SIPA1L3: variants seen among roughly 807,000 people sequenced by gnomAD.
The protein encoded by SIPA1L3 is signal induced proliferation associated 1 like 3.
Under a neutral mutation model 150.1 loss-of-function variants are expected in SIPA1L3, and 59 were observed. That is an observed-to-expected ratio of 0.39 (90% CI 0.32 to 0.49). SIPA1L3 has a LOEUF of 0.49. Among genes scored for constraint, SIPA1L3 ranks in the 20% least tolerant of loss-of-function variants. The pLI is 0.86. For synonymous variants in SIPA1L3, 1,070 were observed against 1,077.6 expected (o/e 0.99, Z 0.14); for missense variants, 2,211 against 2,489.5 (o/e 0.89, Z 2.38).
intron 14 of SIPA1L3, 110 bp downstream of exon 14, chr19:38,162,481 A>G: frequency 3.8e-6 from 3 of 780,122 alleles, no homozygotes; most frequent in Non-Finnish European, 6.6e-6. Flanking sequence ...TCCACTCAGC[A>G]GAGGGGTTGA....
chr19:38,192,681 C>T (rs995843459), intron 17 of SIPA1L3, among the ~76,000 whole-genome samples: 7 of 152,176 alleles, frequency 4.6e-5, no homozygotes, highest in Non-Finnish European at 2.9e-5. Context: ...AGTTCAGACT[C>T]TTGTTACTCA....
chr19:38,150,697 C>T (rs1193264652), intron 12 of SIPA1L3, among the ~76,000 whole-genome samples: 1 of 152,124 alleles, frequency 6.6e-6, no homozygotes, highest in East Asian at 1.9e-4. Flanking sequence ...CACACCACCA[C>T]ACCTGGCTAA....
chr19:37,959,247 G>A (rs150600618), intron 1 of SIPA1L3, among the ~76,000 whole-genome samples: 26 of 152,178 alleles, frequency 1.7e-4, no homozygotes, highest in African/African-American at 3.4e-4. Flanking sequence ...AGCGTTATTC[G>A]TAACCCCAGA....
intron 1 of SIPA1L3, among the ~76,000 whole-genome samples, chr19:37,960,756 G>A (rs1237337798): frequency 6.6e-6 from 1 of 151,696 alleles, no homozygotes; most frequent in African/African-American, 2.4e-5. Flanking sequence ...GTTTTGCCAT[G>A]TTGCTCAGGC....
At chr19:38,024,589 A>T (rs926268035) in intron 1 of SIPA1L3, among the ~76,000 whole-genome samples, 2 of 151,912 alleles carry the variant, frequency 1.3e-5, no homozygotes, top group African/African-American at 4.8e-5. Flanking sequence ...TGCATTTTGG[A>T]CCCCAGTTTG....
intron 2 of SIPA1L3, among the ~76,000 whole-genome samples, chr19:38,075,922 T>C (rs1337493394): frequency 1.3e-5 from 2 of 152,116 alleles, no homozygotes; most frequent in African/African-American, 2.4e-5. Flanking sequence ...GGTAGGCGGA[T>C]CACAAGGTCA....
chr19:37,958,037 G>C (rs2046826464), intron 1 of SIPA1L3, among the ~76,000 whole-genome samples: 1 of 152,136 alleles, frequency 6.6e-6, no homozygotes, highest in South Asian at 2.1e-4. Context: ...ATTTAGTGGA[G>C]ATATTTGGAG....
Position 38,104,831 on chromosome 19 carries a change from A to G in SIPA1L3, c.2030-1706A>G, listed in dbSNP as rs546649927. On this transcript the variant is annotated intron_variant, in intron 6 of 21. Coordinates refer to ENST00000222345, the MANE Select transcript of SIPA1L3 (RefSeq NM_015073.3). ...GGTGATCCACCCACCTCGGCCTCCC[A>G]AAGTGCTAGGATTACAGGTGTGAGC... 2.0e-5 allele frequency among the ~76,000 whole-genome samples: 3 copies of G among 151,286 alleles called. No homozygotes were observed. The South Asian group carries it at 6.4e-4, about 32-fold the overall frequency.
intron 2 of SIPA1L3, among the ~76,000 whole-genome samples, chr19:38,057,647 CTT>C (rs201793156): frequency 1.4e-5 from 2 of 145,298 alleles, no homozygotes; most frequent in Admixed American, 6.9e-5. Flanking sequence ...AGGGTGAGAA[CTT>C]TTTTTTTTTT....
intron 1 of SIPA1L3, among the ~76,000 whole-genome samples, chr19:38,005,510 C>T (rs900622795): frequency 1.1e-4 from 16 of 152,138 alleles, no homozygotes; most frequent in Admixed American, 2.6e-4. Flanking sequence ...CTGATGCCGA[C>T]TCCTCCTTCA....
intron 1 of SIPA1L3, among the ~76,000 whole-genome samples, chr19:37,987,116 T>C (rs1004639843): frequency 1.3e-5 from 2 of 151,946 alleles, no homozygotes; most frequent in Non-Finnish European, 2.9e-5. Context: ...TTTGTAGAGA[T>C]GGGGTTTCAC....
intron 1 of SIPA1L3, among the ~76,000 whole-genome samples, chr19:38,014,921 G>T (rs915331143): frequency 2.0e-5 from 3 of 151,904 alleles, no homozygotes; most frequent in Non-Finnish European, 2.9e-5. Flanking sequence ...CACCCACCTC[G>T]GCCTCCCAAA....
intron 1 of SIPA1L3, among the ~76,000 whole-genome samples, chr19:37,917,084 A>T (rs963343159): frequency 2.0e-5 from 3 of 152,232 alleles, no homozygotes; most frequent in Admixed American, 6.5e-5. Context: ...ATTTCATCTA[A>T]AACATCATTT....
intron 15 of SIPA1L3, among the ~76,000 whole-genome samples, chr19:38,176,975 A>C (rs1568593928): frequency 2.0e-5 from 3 of 151,786 alleles, no homozygotes; most frequent in African/African-American, 4.8e-5. Context: ...CCGTCTCAAA[A>C]AAACAAACAA....
chr19:38,124,995 A>AGAGGGGGAGAGGGAGACCGTGGGGAGAGG (rs1971138548), intron 9 of SIPA1L3, among the ~76,000 whole-genome samples: 4 of 103,118 alleles, frequency 3.9e-5, no homozygotes, highest in Admixed American at 1.0e-4. Flanking sequence ...GACTGTGGAA[A>AGAGGGGGAGAGGGAGACCGTGGGGAGAGG]GAGAGGGAGA....
intron 18 of SIPA1L3, among the ~76,000 whole-genome samples, chr19:38,196,223 C>G (rs571556829): frequency 7.5e-4 from 114 of 152,370 alleles, no homozygotes; most frequent in Non-Finnish European, 9.4e-4. Context: ...CTCCTGATGC[C>G]CTGCTCAGCA....
intron 1 of SIPA1L3, among the ~76,000 whole-genome samples, chr19:37,966,945 C>T (rs1299541512): frequency 1.3e-5 from 2 of 152,102 alleles, no homozygotes; most frequent in Admixed American, 1.3e-4. Context: ...GTGCAGGTGA[C>T]CTCGCCCCTC....
chr19:38,206,884 TAG>T lies in SIPA1L3; in HGVS notation c.*651_*652del, dbSNP rs1269841015. 6.6e-6 allele frequency: 1 copy of T among 152,668 alleles called. No individual in the cohort carries two copies. The allele number at this position is 152,668 out of a possible 1,614,324, so 9.5% of individuals were successfully genotyped here. A position where few individuals can be genotyped will look rare whatever the true frequency, so the allele number is the denominator to read the frequency against. Reference sequence around the variant, plus strand: ...AATTATTTTCTTGGGGGCCTGAGGATAGAGAGAGGCAAGGCTAGCCTCCAGAG... The same window carrying T: ...AATTATTTTCTTGGGGGCCTGAGGATAGAGAGGCAAGGCTAGCCTCCAGAG... On this transcript the variant is annotated 3_prime_UTR_variant, in exon 22 of 22. Transcript: ENST00000222345.
chr19:37,966,011 C>T lies in SIPA1L3; in HGVS notation c.-379+58653C>T, dbSNP rs116507969. Among the ~76,000 whole-genome samples the T allele has an allele frequency of 1.2e-3, 186 of 152,300 alleles. 1 individual carries two copies. Among genetic ancestry groups the T allele is most frequent in the African/African-American group, 4.3e-3 (179 of 41,574 alleles). On this transcript the variant is annotated intron_variant, in intron 1 of 21. Transcript: ENST00000222345. The stretch of plus-strand genomic sequence containing the variant: ...GATCTATCACATTATTTTGCACGGC[C>T]AAAGTGTGTGCCGGGCTCAGTTCTC...
Sources: gnomAD v4.1 joint callset for allele counts (sites outside exome capture counted in the v4.1 genomes callset) on GRCh38, gnomAD v4.1.1 for gene constraint, MANE v1.5 for transcripts, NCBI Gene and HGNC (gene_info 2026-07-23, HGNC 2026-07-21) for gene names.